ELAPOR2: variants seen among roughly 807,000 people sequenced by gnomAD.
ELAPOR2 encodes endosome-lysosome associated apoptosis and autophagy regulator family member 2.
In ELAPOR2, 89 loss-of-function variants were observed where a neutral mutation model predicts 120.7. The ratio of observed to expected loss-of-function variants is 0.74; its 90% CI spans 0.62 to 0.88. The LOEUF (loss-of-function observed/expected upper bound fraction) is 0.88, where lower values mean the gene tolerates loss of function less well. Ranked by LOEUF, ELAPOR2 falls within the 40% of genes least tolerant of loss-of-function variation. ELAPOR2 has a pLI of 0.00. For synonymous variants in ELAPOR2, 444 were observed against 444.9 expected (o/e 1.00, Z 0.03); for missense variants, 1,134 against 1,251.6 (o/e 0.91, Z 1.42).
At chr7:86,976,517 T>G (rs1316338113) in intron 1 of ELAPOR2, among the ~76,000 whole-genome samples, 1 of 152,130 alleles carries the variant, frequency 6.6e-6, no homozygotes, top group Non-Finnish European at 1.5e-5. Context: ...AACTAAACCC[T>G]GAGTATTGAG....
intron 12 of ELAPOR2, 94 bp downstream of exon 12, chr7:86,918,344 AAAAG>A: frequency 6.0e-6 from 3 of 498,140 alleles, no homozygotes; most frequent in African/African-American, 4.1e-5. Flanking sequence ...AAAAAAAAAA[AAAAG>A]GAATTCTTAT....
At chr7:86,976,924 T>G (rs909481513) in intron 1 of ELAPOR2, among the ~76,000 whole-genome samples, 5 of 152,228 alleles carry the variant, frequency 3.3e-5, no homozygotes, top group Non-Finnish European at 5.9e-5. Flanking sequence ...GTTAAGGTAC[T>G]CTAGGGCCTG....
At chr7:86,951,414 G>A (rs892534925) in intron 2 of ELAPOR2, among the ~76,000 whole-genome samples, 13 of 152,286 alleles carry the variant, frequency 8.5e-5, no homozygotes, top group South Asian at 6.2e-4. Flanking sequence ...GAAGAATTGC[G>A]TTTGTGAATC....
At chr7:87,044,989 C>CA (rs1437741853) in intron 1 of ELAPOR2, among the ~76,000 whole-genome samples, 1 of 145,160 alleles carries the variant, frequency 6.9e-6, no homozygotes, top group Non-Finnish European at 1.5e-5. Flanking sequence ...TTTATGCAGC[C>CA]AAAAAACACA....
At chr7:86,941,671 C>A (rs1790801444) in intron 5 of ELAPOR2, among the ~76,000 whole-genome samples, 1 of 151,930 alleles carries the variant, frequency 6.6e-6, no homozygotes, top group Non-Finnish European at 1.5e-5. Context: ...CTTAGAAACT[C>A]AAATGTTTTG....
chr7:86,968,315 T>C, intron 1 of ELAPOR2, among the ~76,000 whole-genome samples: 1 of 152,176 alleles, frequency 6.6e-6, no homozygotes. Flanking sequence ...AGATTATTTC[T>C]CATACAAATA....
intron 1 of ELAPOR2, among the ~76,000 whole-genome samples, chr7:86,969,180 T>C (rs1276765185): frequency 6.6e-6 from 1 of 152,128 alleles, no homozygotes; most frequent in Admixed American, 6.6e-5. Flanking sequence ...CAAATTGTGT[T>C]ATCTTACACC....
At chr7:86,988,112 C>G (rs1792816824) in intron 1 of ELAPOR2, among the ~76,000 whole-genome samples, 1 of 152,142 alleles carries the variant, frequency 6.6e-6, no homozygotes, top group Non-Finnish European at 1.5e-5. Flanking sequence ...AAACCAAACA[C>G]CGCATGTTCT....
chr7:86,998,080 CA>C lies in ELAPOR2; in HGVS notation c.190-33057del, dbSNP rs958733895. Among the ~76,000 whole-genome samples, 496 of 151,578 alleles carry C rather than the reference CA, an allele frequency of 3.3e-3. 2 individuals are homozygous for C. The highest frequency in any genetic ancestry group is 9.8e-3 in the African/African-American group (405 of 41,346). Reference sequence around the variant, plus strand: ...CTAGAAAATGCATGTACATATTTATCAAAAAAAAGTACTGTTTCCTTGTATA... The same window carrying C: ...CTAGAAAATGCATGTACATATTTATCAAAAAAAGTACTGTTTCCTTGTATA... On this transcript the variant is annotated intron_variant, in intron 1 of 21. Coordinates refer to ENST00000450689, the MANE Select transcript of ELAPOR2 (RefSeq NM_001142749.3).
chr7:86,985,567 T>C (rs1266856436), intron 1 of ELAPOR2, among the ~76,000 whole-genome samples: 1 of 152,152 alleles, frequency 6.6e-6, no homozygotes, highest in Non-Finnish European at 1.5e-5. Context: ...ATCCATCACA[T>C]AAACAGAACC....
At chr7:86,931,118 G>A (rs1014303992) in intron 8 of ELAPOR2, among the ~76,000 whole-genome samples, 18 of 151,922 alleles carry the variant, frequency 1.2e-4, no homozygotes, top group Non-Finnish European at 2.5e-4. Flanking sequence ...TGATCATGGG[G>A]AAGTTACTTA....
At chr7:87,033,962 T>G (rs1459713989) in intron 1 of ELAPOR2, among the ~76,000 whole-genome samples, 1 of 152,142 alleles carries the variant, frequency 6.6e-6, no homozygotes, top group African/African-American at 2.4e-5. Flanking sequence ...AAACACTATT[T>G]GTAAAAACTG....
chr7:87,018,117 T>G (rs915240941), intron 1 of ELAPOR2, among the ~76,000 whole-genome samples: 2 of 152,050 alleles, frequency 1.3e-5, no homozygotes, highest in Non-Finnish European at 2.9e-5. Flanking sequence ...CTCAGCTCAC[T>G]GCAACCTCTG....
intron 1 of ELAPOR2, among the ~76,000 whole-genome samples, chr7:87,043,015 A>C (rs1794834627): frequency 6.6e-6 from 1 of 152,228 alleles, no homozygotes; most frequent in South Asian, 2.1e-4. Context: ...ATCTAGAAGA[A>C]ATGGATAAAT....
intron 2 of ELAPOR2, among the ~76,000 whole-genome samples, chr7:86,964,174 CTCTTT>C (rs1430843593): frequency 2.6e-5 from 4 of 152,196 alleles, no homozygotes; most frequent in Non-Finnish European, 4.4e-5. Flanking sequence ...TACACTCCCT[CTCTTT>C]TATTTCCAGC....
intron 21 of ELAPOR2, among the ~76,000 whole-genome samples, chr7:86,884,240 T>C (rs868099265): frequency 6.6e-6 from 1 of 152,182 alleles, no homozygotes. Flanking sequence ...AGGTGACTGC[T>C]TGTTGAGTAC....
chr7:86,908,862 C>G (rs1465673255), intron 16 of ELAPOR2, among the ~76,000 whole-genome samples: 1 of 152,054 alleles, frequency 6.6e-6, no homozygotes, highest in African/African-American at 2.4e-5. Flanking sequence ...TCTCAAAAGT[C>G]TATTAAAATT....
At position 86,880,256 on chromosome 7, in the gene ELAPOR2, T is replaced by TA; in HGVS notation, c.*214_*215insT. ...TCCTGAGTTGAGCTTCATCTTCAGT[T>TA]GAGACCCAAATCATTTGCTTTCCTT... On this transcript the variant is annotated 3_prime_UTR_variant, in exon 22 of 22. Transcript: ENST00000450689. 1 of 576,162 alleles carries TA rather than the reference T, an allele frequency of 1.7e-6. No individual in the cohort carries two copies. The highest frequency in any genetic ancestry group is 2.9e-5 in the East Asian group (1 of 34,274). The allele number at this position is 576,162 out of a possible 1,614,324, so 35.7% of individuals were successfully genotyped here. A position where few individuals can be genotyped will look rare whatever the true frequency, so the allele number is the denominator to read the frequency against.
At chr7:87,024,590 G>A (rs1464631356) in intron 1 of ELAPOR2, among the ~76,000 whole-genome samples, 1 of 152,136 alleles carries the variant, frequency 6.6e-6, no homozygotes, top group Non-Finnish European at 1.5e-5. Flanking sequence ...AAATGAGTTA[G>A]GGAGGATTCC....
Sources: gnomAD v4.1 joint callset for allele counts (sites outside exome capture counted in the v4.1 genomes callset) on GRCh38, gnomAD v4.1.1 for gene constraint, MANE v1.5 for transcripts, NCBI Gene and HGNC (gene_info 2026-07-23, HGNC 2026-07-21) for gene names.